The following ANKS1A variants were observed in gnomAD, a reference collection of about 807,000 sequenced individuals.
The protein encoded by ANKS1A is ankyrin repeat and SAM domain-containing protein 1A.
In ANKS1A, 55 loss-of-function variants were observed where a neutral mutation model predicts 120.3. The ratio of observed to expected loss-of-function variants is 0.46; its 90% CI spans 0.37 to 0.57. The LOEUF is 0.57. ANKS1A is among the 20% of genes least tolerant of loss of function. The pLI is 0.00. For missense variants in ANKS1A, 1,123 were observed against 1,480.3 expected (o/e 0.76, Z 3.96); for synonymous variants, 590 against 604.7 (o/e 0.98, Z 0.36).
intron 10 of ANKS1A, among the ~76,000 whole-genome samples, chr6:35,006,321 A>T (rs1292202010): frequency 2.0e-5 from 3 of 152,108 alleles, no homozygotes; most frequent in African/African-American, 7.2e-5. Context: ...TCTCAAAAAA[A>T]AAAAAAGAAT....
intron 16 of ANKS1A, 39 bp downstream of exon 16, chr6:35,079,967 C>G: frequency 6.5e-7 from 1 of 1,543,264 alleles, no homozygotes; most frequent in Non-Finnish European, 8.8e-7. Flanking sequence ...TATGTTTGTT[C>G]CCTGTATTTG....
chr6:35,003,386 C>A (rs942956195), intron 10 of ANKS1A, among the ~76,000 whole-genome samples: 1 of 152,108 alleles, frequency 6.6e-6, no homozygotes, highest in Non-Finnish European at 1.5e-5. Flanking sequence ...GATTGGCTCT[C>A]GACTACTTGC....
intron 2 of ANKS1A, among the ~76,000 whole-genome samples, chr6:34,968,726 C>T (rs577817321): frequency 1.3e-5 from 2 of 152,018 alleles, no homozygotes; most frequent in East Asian, 1.9e-4. Context: ...GCATGAGCCA[C>T]TGCGCCCGGC....
Position 35,079,809 on chromosome 6 carries a change from C to T in ANKS1A, c.2437-12C>T, listed in dbSNP as rs896913699. On this transcript the variant is annotated splice_polypyrimidine_tract_variant and intron_variant, in intron 15 of 23. Transcript: ENST00000360359. ...CACCTGACCTGTCACCTCGCTGCTC[C>T]TCATCACCCAGGTCCTGAAGGTCCA... 2.7e-5 allele frequency: 43 copies of T among 1,585,362 alleles called. No homozygotes were observed. The highest frequency in any genetic ancestry group is 3.3e-5 in the Non-Finnish European group (39 of 1,165,574).
chr6:34,955,036 T>A (rs1337219771), intron 1 of ANKS1A, among the ~76,000 whole-genome samples: 2 of 152,200 alleles, frequency 1.3e-5, no homozygotes, highest in Non-Finnish European at 2.9e-5. Flanking sequence ...TGACTATTAG[T>A]ATTATTTACC....
intron 1 of ANKS1A, among the ~76,000 whole-genome samples, chr6:34,961,500 A>G (rs1310849301): frequency 6.6e-6 from 1 of 152,248 alleles, no homozygotes; most frequent in Non-Finnish European, 1.5e-5. Context: ...TGCTTTTTGC[A>G]GTGAAGTCAC....
chr6:34,982,100 T>G lies in ANKS1A; in HGVS notation c.732+114T>G. 7.8e-7 allele frequency: 1 copy of G among 1,283,304 alleles called. No homozygotes were observed. Among genetic ancestry groups the G allele is most frequent in the South Asian group, 1.5e-5 (1 of 68,442 alleles). The allele number at this position is 1,283,304 out of a possible 1,614,324, so 79.5% of individuals were successfully genotyped here. On this transcript the variant is annotated intron_variant, in intron 4 of 23. Coordinates refer to ENST00000360359, the MANE Select transcript of ANKS1A (RefSeq NM_015245.3). The surrounding 1 kb of genome is among the most constrained non-coding windows in gnomAD (Gnocchi z 4.9). ...TTATTTAGCACGTTTCACATCATGT[T>G]TCAAATGCTTATTTGCCGACTCATT...
intron 1 of ANKS1A, among the ~76,000 whole-genome samples, chr6:34,930,526 A>C (rs1160492243): frequency 1.3e-5 from 2 of 152,292 alleles, no homozygotes; most frequent in East Asian, 3.9e-4. Context: ...TTTTGTGTAA[A>C]AAAGGGATGT....
At chr6:34,957,837 G>A (rs530577118) in intron 1 of ANKS1A, among the ~76,000 whole-genome samples, 1 of 152,290 alleles carries the variant, frequency 6.6e-6, no homozygotes, top group South Asian at 2.1e-4. Flanking sequence ...GTCAGATGTG[G>A]AATTTTGTTT....
At chr6:34,956,794 T>G (rs1309414315) in intron 1 of ANKS1A, among the ~76,000 whole-genome samples, 1 of 152,202 alleles carries the variant, frequency 6.6e-6, no homozygotes, top group Non-Finnish European at 1.5e-5. Flanking sequence ...GTTCCTAATA[T>G]TCCTGCGTCT....
chr6:34,891,651 C>T (rs994560627), intron 1 of ANKS1A, among the ~76,000 whole-genome samples: 47 of 151,652 alleles, frequency 3.1e-4, no homozygotes, highest in African/African-American at 8.2e-4. Context: ...TTTTTGGAGA[C>T]GGAGTCTCGC....
intron 1 of ANKS1A, among the ~76,000 whole-genome samples, chr6:34,902,684 T>C (rs577765923): frequency 2.0e-5 from 3 of 151,606 alleles, no homozygotes; most frequent in Non-Finnish European, 2.9e-5. Context: ...GTGGCTGTAG[T>C]CCCAGCTACT....
At chr6:34,946,544 T>C (rs1769806688) in intron 1 of ANKS1A, among the ~76,000 whole-genome samples, 1 of 151,562 alleles carries the variant, frequency 6.6e-6, no homozygotes, top group Non-Finnish European at 1.5e-5. Context: ...GCCGAGATTG[T>C]GCTACTGCAC....
chr6:34,903,675 GTTTGT>G (rs1338954948), intron 1 of ANKS1A, among the ~76,000 whole-genome samples: 4 of 151,796 alleles, frequency 2.6e-5, no homozygotes, highest in African/African-American at 4.8e-5. Context: ...TTTTTTGTTC[GTTTGT>G]TTTGTTTTTG....
At chr6:34,984,870 T>C (rs778871259) in intron 7 of ANKS1A, among the ~76,000 whole-genome samples, 1 of 152,192 alleles carries the variant, frequency 6.6e-6, no homozygotes, top group East Asian at 1.9e-4. Flanking sequence ...GTTTTTCATA[T>C]TGAATTAAAG....
rs548896515 is a variant in ANKS1A, at chr6:35,039,173, C to T, written c.2011-14926C>T. Reference sequence around the variant, plus strand: ...TCAACATGCAGAACTATTCTGTCACCACAAAGATCTCCCTCATACTTTTTT... The same window carrying T: ...TCAACATGCAGAACTATTCTGTCACTACAAAGATCTCCCTCATACTTTTTT... On this transcript the variant is annotated intron_variant, in intron 11 of 23. Coordinates refer to ENST00000360359, the MANE Select transcript of ANKS1A (RefSeq NM_015245.3). 2.4e-4 allele frequency among the ~76,000 whole-genome samples: 35 copies of T among 148,040 alleles called. No homozygotes were observed. In the South Asian group the frequency reaches 6.2e-3, roughly 26 times the overall value.
chr6:34,908,364 T>C (rs1767740141), intron 1 of ANKS1A, among the ~76,000 whole-genome samples: 1 of 152,146 alleles, frequency 6.6e-6, no homozygotes, highest in Non-Finnish European at 1.5e-5. Context: ...TGCCCAGCAG[T>C]GAGTAAGCGG....
At chr6:35,018,192 T>G in intron 11 of ANKS1A, 133 bp downstream of exon 11, 1 of 860,358 alleles carries the variant, frequency 1.2e-6, no homozygotes, top group Non-Finnish European at 1.8e-6. Context: ...CCGTAACTAA[T>G]GTATTTCTGA....
At chr6:35,064,956 G>A (rs758671831) in intron 13 of ANKS1A, among the ~76,000 whole-genome samples, 12 of 152,272 alleles carry the variant, frequency 7.9e-5, no homozygotes, top group Non-Finnish European at 1.5e-4. Context: ...CCAGCCTCCT[G>A]GACTAGCTAA....
Sources: gnomAD v4.1 joint callset for allele counts (sites outside exome capture counted in the v4.1 genomes callset) on GRCh38, gnomAD v4.1.1 for gene constraint, Gnocchi (gnomAD v3.1) non-coding constraint, MANE v1.5 for transcripts, NCBI Gene and HGNC (gene_info 2026-07-23, HGNC 2026-07-21) for gene names.